RGS3: variants seen among roughly 807,000 people sequenced by gnomAD.
The protein encoded by RGS3 is regulator of G-protein signalling 3.
RGS3 carries 80 observed loss-of-function variants against 132.6 expected under a neutral mutation model. The ratio of observed to expected loss-of-function variants is 0.60; its 90% confidence interval spans 0.50 to 0.73. The LOEUF is 0.73. RGS3 is among the 30% of genes least tolerant of loss of function. RGS3 has a pLI of 0.00. For missense variants in RGS3, 1,382 were observed against 1,530.8 expected, an observed-to-expected ratio of 0.90 and a Z score of 1.62; for synonymous variants, 598 against 620.6, an observed-to-expected ratio of 0.96 and a Z score of 0.54.
At chr9:113,575,011 C>T (rs2118911384) in intron 19 of RGS3, among the ~76,000 whole-genome samples, 1 of 152,278 alleles carries the variant, frequency 6.6e-6, no homozygotes. Context: ...ACTACGAGTC[C>T]ACCCATGTTG....
At chr9:113,505,495 T>C in exon 11 of RGS3, 1 of 1,614,152 alleles carries the variant, frequency 6.2e-7, no homozygotes, top group Non-Finnish European at 8.5e-7. Context: ...GCTGCGACTC[T>C]CCAGTTCGAG....
chr9:113,467,323 G>T (rs959330351), intron 3 of RGS3, among the ~76,000 whole-genome samples: 3 of 152,116 alleles, frequency 2.0e-5, no homozygotes, highest in Admixed American at 2.0e-4. Context: ...TCCAAAGTAG[G>T]TGTATCATTT....
chr9:113,513,517 T>C (rs191643836), intron 14 of RGS3, among the ~76,000 whole-genome samples: 13 of 152,320 alleles, frequency 8.5e-5, no homozygotes, highest in Admixed American at 3.3e-4. Context: ...GAAACAACAC[T>C]GAGTTTGCAG....
chr9:113,565,259 T>TC lies in RGS3; in HGVS notation c.2038-18189dup. The TC allele has an allele frequency of 1.6e-6, 2 of 1,288,832 alleles. No homozygotes were observed. The highest frequency in any genetic ancestry group is 2.0e-6 in the Non-Finnish European group (2 of 988,340). 79.8% of individuals were successfully genotyped at this position (1,288,832 alleles called of 1,614,324 possible). On this transcript the variant is annotated intron_variant, in intron 19 of 24. Transcript: ENST00000350696. The surrounding 1 kb of genome is among the most constrained non-coding windows in gnomAD (Gnocchi z 5.7). Reference sequence around the variant, plus strand: ...CCCTCTTCTTTGAGACATCCCGGACTCCATCTCGGATGAAAGTGCTTTGAG... The same window carrying TC: ...CCCTCTTCTTTGAGACATCCCGGACTCCCATCTCGGATGAAAGTGCTTTGAG...
intron 3 of RGS3, among the ~76,000 whole-genome samples, chr9:113,467,120 G>C (rs1341308208): frequency 1.3e-5 from 2 of 152,198 alleles, no homozygotes; most frequent in Middle Eastern, 3.4e-3. Flanking sequence ...TATTCATCTG[G>C]TGATGAATAT....
chr9:113,469,485 CT>C (rs2119181529), intron 3 of RGS3, among the ~76,000 whole-genome samples: 1 of 152,276 alleles, frequency 6.6e-6, no homozygotes, highest in African/African-American at 2.4e-5. Context: ...CCTTTGTCCT[CT>C]TTTCCCATTC....
chr9:113,495,787 C>T lies in RGS3; in HGVS notation c.691C>T (p.Gln231Ter), dbSNP rs778952555. 1.2e-5 allele frequency: 20 copies of T among 1,614,034 alleles called. No homozygotes were observed. Among genetic ancestry groups the T allele is most frequent in the Non-Finnish European group, 1.6e-5 (19 of 1,179,844 alleles). The change falls in exon 8 of 25, where the codon CAG becomes TAG. Residue 231 changes from glutamine (Q) to a stop codon, truncating the protein, a stop_gained and splice_region_variant. Coordinates refer to ENST00000350696, the Ensembl canonical transcript of RGS3. LOFTEE classifies it high-confidence loss of function. Reference sequence around the variant, plus strand: ...CTCAAGTCTCACTTGTTCTCCCAGACAGAGTGGACTCATTGGCTGCATGAG... The same window carrying T: ...CTCAAGTCTCACTTGTTCTCCCAGATAGAGTGGACTCATTGGCTGCATGAG...
At position 113,463,668 on chromosome 9, in the gene RGS3, G is replaced by A. The variant is rs543925826; in HGVS notation, c.415+1467G>A. 9.4e-6 allele frequency: 13 copies of A among 1,383,856 alleles called. No individual in the cohort carries two copies. Among genetic ancestry groups the A allele is most frequent in the Non-Finnish European group, 1.0e-5 (11 of 1,071,072 alleles). The allele number at this position is 1,383,856 out of a possible 1,614,324, so 85.7% of individuals were successfully genotyped here. A position where few individuals can be genotyped will look rare whatever the true frequency, so the allele number is the denominator to read the frequency against. The stretch of plus-strand genomic sequence containing the variant: ...GCGCGGGCCAATCAGGGCCGGGCGC[G>A]CCCTGGCCGTTCCAACGCTTGGGGC... On this transcript the variant is annotated intron_variant, in intron 3 of 24. Coordinates refer to ENST00000350696, the Ensembl canonical transcript of RGS3. The surrounding 1 kb of genome is among the most constrained non-coding windows in gnomAD (Gnocchi z 4.6).
rs543550084 is a variant in RGS3 at position 113,555,337 on chromosome 9, C to T, written c.2037+18419C>T. On this transcript the variant is annotated intron_variant, in intron 19 of 24. Coordinates refer to ENST00000350696, the Ensembl canonical transcript of RGS3. ...ACATATTTCAACATCAGGAATGACACCAGATCCATAGTAGCCTGTCCTCGT... is the reference window on the plus strand; with the variant it reads ...ACATATTTCAACATCAGGAATGACATCAGATCCATAGTAGCCTGTCCTCGT... 3.7e-4 allele frequency among the ~76,000 whole-genome samples: 57 copies of T among 152,302 alleles called. No individual in the cohort carries two copies. In the South Asian group the frequency reaches 0.011, roughly 31 times the overall value.
intron 19 of RGS3, among the ~76,000 whole-genome samples, chr9:113,561,093 G>T (rs535344298): frequency 6.6e-6 from 1 of 151,912 alleles, no homozygotes; most frequent in South Asian, 2.1e-4. Flanking sequence ...ATGTGATCTC[G>T]GCTCACTGCA....
chr9:113,484,005 T>A (rs993027241), intron 5 of RGS3, 133 bp from the exon 4 acceptor site: 1 of 557,130 alleles, frequency 1.8e-6, no homozygotes, highest in African/African-American at 1.9e-5. Flanking sequence ...GACAGGGGAC[T>A]CTATTCTGTC....
intron 19 of RGS3, among the ~76,000 whole-genome samples, chr9:113,562,973 GC>G (rs934192529): frequency 6.6e-6 from 1 of 152,162 alleles, no homozygotes; most frequent in Non-Finnish European, 1.5e-5. Context: ...ACACTGGGAG[GC>G]CCCCCAGCCC....
At chr9:113,494,574 C>T (rs1166205964) in intron 7 of RGS3, among the ~76,000 whole-genome samples, 1 of 152,224 alleles carries the variant, frequency 6.6e-6, no homozygotes, top group East Asian at 1.9e-4. Context: ...GCAGCTTTGA[C>T]CTCCCAGGCT....
At chr9:113,575,658 C>T (rs1341438724) in intron 19 of RGS3, among the ~76,000 whole-genome samples, 1 of 152,204 alleles carries the variant, frequency 6.6e-6, no homozygotes, top group Non-Finnish European at 1.5e-5. Flanking sequence ...CTTATCACTT[C>T]CCTTCTCTGG....
At chr9:113,461,353 A>G (rs772152491) in intron 1 of RGS3, among the ~76,000 whole-genome samples, 5 of 152,044 alleles carry the variant, frequency 3.3e-5, no homozygotes, top group Admixed American at 6.5e-5. Flanking sequence ...GCCTTTCTGG[A>G]TGTTGCTTTT....
At chr9:113,529,680 G>A (rs987495647) in intron 18 of RGS3, among the ~76,000 whole-genome samples, 1 of 152,194 alleles carries the variant, frequency 6.6e-6, no homozygotes, top group Non-Finnish European at 1.5e-5. Context: ...ACGACCCCTT[G>A]TACAGGGTCT....
At position 113,447,010 on chromosome 9, in the gene RGS3, C is replaced by G. The variant is rs189404133; in HGVS notation, c.-13+2083C>G. On this transcript the variant is annotated intron_variant, in intron 1 of 25. Transcript: ENST00000374140. ...GATGCGGTGGCTCACGCCTGTAATCCCAGCACTTTGGAAAGCCGAGGTGGG... is the reference window on the plus strand; with the variant it reads ...GATGCGGTGGCTCACGCCTGTAATCGCAGCACTTTGGAAAGCCGAGGTGGG... 1.7e-3 allele frequency among the ~76,000 whole-genome samples: 251 copies of G among 151,568 alleles called. 3 individuals are homozygous for G. The highest frequency in any genetic ancestry group is 5.6e-3 in the African/African-American group (231 of 41,290).
chr9:113,468,682 T>A (rs1333016714), intron 3 of RGS3, among the ~76,000 whole-genome samples: 4 of 152,220 alleles, frequency 2.6e-5, no homozygotes, highest in Non-Finnish European at 5.9e-5. Context: ...AGCAAATTAT[T>A]AATTTACCTG....
chr9:113,549,675 A>G (rs942565946), intron 19 of RGS3, among the ~76,000 whole-genome samples: 1 of 152,232 alleles, frequency 6.6e-6, no homozygotes, highest in Admixed American at 6.5e-5. Context: ...AATTGGGGTT[A>G]CTGGTGCAAT....
Sources: gnomAD v4.1 joint callset for allele counts (sites outside exome capture counted in the v4.1 genomes callset) on GRCh38, gnomAD v4.1.1 for gene constraint, Gnocchi (gnomAD v3.1) non-coding constraint, MANE v1.5 for transcripts, NCBI Gene and HGNC (gene_info 2026-07-23, HGNC 2026-07-21) for gene names.